The following TMEM30A variants were observed in gnomAD, a reference collection of about 807,000 sequenced individuals.
TMEM30A encodes the protein cell cycle control protein 50A.
A neutral mutation model predicts 38.2 loss-of-function variants in TMEM30A; 24 were observed. The ratio of observed to expected loss-of-function variants is 0.63; its 90% confidence interval spans 0.46 to 0.88. The LOEUF (loss-of-function observed/expected upper bound fraction) is 0.88. Ranked by LOEUF, TMEM30A falls within the 40% of genes least tolerant of loss-of-function variation. TMEM30A has a pLI of 0.00. For synonymous variants in TMEM30A, 145 were observed against 161.6 expected, an observed-to-expected ratio of 0.90 and a Z score of 0.78; for missense variants, 370 against 458.6, an observed-to-expected ratio of 0.81 and a Z score of 1.77.
chr6:75,256,660 A>C, intron 6 of TMEM30A: 1 of 394,526 alleles, frequency 2.5e-6, no homozygotes, highest in Non-Finnish European at 4.9e-6. Flanking sequence ...AGACTGACAG[A>C]CCAGGAGAAA....
intron 1 of TMEM30A, among the ~76,000 whole-genome samples, chr6:75,280,258 G>A (rs1405141362): frequency 6.6e-6 from 1 of 152,112 alleles, no homozygotes; most frequent in Non-Finnish European, 1.5e-5. Flanking sequence ...ACAGCTATTT[G>A]TGTAGCAAAT....
intron 1 of TMEM30A, among the ~76,000 whole-genome samples, chr6:75,268,576 G>A (rs1387927065): frequency 6.6e-6 from 1 of 152,178 alleles, no homozygotes; most frequent in African/African-American, 2.4e-5. Flanking sequence ...TAAGTATACA[G>A]GGAGAGGGCA....
At position 75,271,517 on chromosome 6, in the gene TMEM30A, G is replaced by A. The variant is rs75217423; in HGVS notation, c.238-3769C>T. 1.2e-4 allele frequency among the ~76,000 whole-genome samples: 19 copies of A among 152,108 alleles called. No individual in the cohort carries two copies. In the East Asian group the frequency reaches 3.7e-3, roughly 29 times the overall value. On this transcript the variant is annotated intron_variant, in intron 1 of 6. Coordinates refer to ENST00000230461, the MANE Select transcript of TMEM30A (RefSeq NM_018247.4). ...AAAATCATTATCATTAATATATTAA[G>A]CCTATGTGTAAGGCATGACATTAGA...
chr6:75,284,411 G>C lies in TMEM30A; in HGVS notation c.228C>G (p.Arg76=). The C allele has an allele frequency of 6.2e-7, 1 of 1,614,022 alleles. No individual in the cohort carries two copies. The highest frequency in any genetic ancestry group is 2.2e-5 in the East Asian group (1 of 44,866). Residue 76 remains arginine, a synonymous_variant, in exon 1 of 7, where the codon CGC becomes CGG. Transcript: ENST00000230461. ...IGIFVTSNNI[R]EIEIDYTGTE... is the part of the protein sequence containing the mutation. Reference sequence around the variant, plus strand: ...AGCTCCCTCCCCTCACCTCGATCTCGCGGATGTTGTTGGAGGTGACAAAAA... The same window carrying C: ...AGCTCCCTCCCCTCACCTCGATCTCCCGGATGTTGTTGGAGGTGACAAAAA...
rs898416106 is a variant in TMEM30A, at chr6:75,254,036, G to A, written c.*2066C>T. On this transcript the variant is annotated 3_prime_UTR_variant, in exon 7 of 7. Transcript: ENST00000230461. Reference sequence around the variant, plus strand: ...CCCCCATGCTTCACAGAGACTATACGAATGTTCCATACTCTTCATATTTAG... The same window carrying A: ...CCCCCATGCTTCACAGAGACTATACAAATGTTCCATACTCTTCATATTTAG... 1 of 152,028 alleles carries A rather than the reference G, an allele frequency of 6.6e-6. No homozygotes were observed. The highest frequency in any genetic ancestry group is 1.5e-5 in the Non-Finnish European group (1 of 67,988). The allele number at this position is 152,028 out of a possible 1,614,324, so 9.4% of individuals were successfully genotyped here. A position where few individuals can be genotyped will look rare whatever the true frequency, so the allele number is the denominator to read the frequency against.
chr6:75,284,258 A>G (rs539217436), intron 1 of TMEM30A, 144 bp downstream of exon 1: 1 of 766,920 alleles, frequency 1.3e-6, no homozygotes, highest in African/African-American at 1.7e-5. Context: ...GAAAGAAAAA[A>G]CAGAGAAACA....
chr6:75,272,216 CTCATCTTGG>C (rs1772184932), intron 1 of TMEM30A, among the ~76,000 whole-genome samples: 1 of 152,206 alleles, frequency 6.6e-6, no homozygotes, highest in South Asian at 2.1e-4. Context: ...CTCTTCAAAG[CTCATCTTGG>C]TTTAAAAATA....
intron 1 of TMEM30A, among the ~76,000 whole-genome samples, chr6:75,275,060 T>C (rs1772238892): frequency 6.6e-6 from 1 of 151,888 alleles, no homozygotes; most frequent in South Asian, 2.1e-4. Context: ...CTGTGAACCA[T>C]GAGCAACAAC....
Position 75,259,579 on chromosome 6 carries a change from T to C in TMEM30A, c.542-89A>G, listed in dbSNP as rs554056214. On this transcript the variant is annotated intron_variant, in intron 4 of 6. Transcript: ENST00000230461. ...TCTATGAGAAATAAGGACCTGATAT[T>C]TGTTTCCAAAAGTGGTTGTGACAGA... is the stretch of plus-strand genomic sequence containing the variant. The C allele has an allele frequency of 5.7e-6, 7 of 1,235,760 alleles. No homozygotes were observed. In the African/African-American group the frequency reaches 1.1e-4, roughly 19 times the overall value. The allele number at this position is 1,235,760 out of a possible 1,614,324, so 76.5% of individuals were successfully genotyped here.
In TMEM30A at chr6:75,258,894, A is replaced by G. The variant is rs1292830742; in HGVS notation, c.778T>C (p.Trp260Arg). The G allele has an allele frequency of 6.2e-7, 1 of 1,613,902 alleles. No individual in the cohort carries two copies. The highest frequency in any genetic ancestry group is 8.5e-7 in the Non-Finnish European group (1 of 1,179,948). Residue 260 changes from tryptophan (W) to arginine (R), a missense_variant, in exon 6 of 7, where the codon TGG becomes CGG. Transcript: ENST00000230461. ...NGFINEDFIV[W>R]MRTAALPTFR... ...GTAGGTAATGCTGCAGTACGCATCC[A>G]AACAATAAAATCCTCATTTATGAAT...
At chr6:75,263,167 G>A (rs563098660) in intron 3 of TMEM30A, among the ~76,000 whole-genome samples, 1 of 152,182 alleles carries the variant, frequency 6.6e-6, no homozygotes, top group Non-Finnish European at 1.5e-5. Context: ...CATGTAAAGA[G>A]AAGACAGAAG....
At chr6:75,262,088 C>T (rs1198864294) in intron 3 of TMEM30A, among the ~76,000 whole-genome samples, 2 of 152,046 alleles carry the variant, frequency 1.3e-5, no homozygotes. Flanking sequence ...GGCTCATGCC[C>T]CTAATTTCAG....
At chr6:75,264,810 T>C (rs1027530861) in intron 3 of TMEM30A, among the ~76,000 whole-genome samples, 7 of 151,582 alleles carry the variant, frequency 4.6e-5, no homozygotes, top group African/African-American at 1.7e-4. Context: ...CTAAAAATCC[T>C]CATGATACAG....
chr6:75,273,097 ACT>A (rs928561488), intron 1 of TMEM30A, among the ~76,000 whole-genome samples: 15 of 152,012 alleles, frequency 9.9e-5, no homozygotes, highest in African/African-American at 3.4e-4. Flanking sequence ...TCCAAACCTG[ACT>A]CTCTGTACGT....
Position 75,284,537 on chromosome 6 carries a change from T to C in TMEM30A, c.102A>G (p.Lys34=), listed in dbSNP as rs773578607. ...GCTGCCAAGCTGGCAGCCGTTGCTG[T>C]TTGAAGGCCGTGTTATCCGGTCTCC... The part of the protein sequence containing the change: ...KTRRPDNTAF[K]QQRLPAWQPI... The change falls in exon 1 of 7, where the codon AAA becomes AAG. Residue 34 remains lysine, a synonymous_variant. Coordinates refer to ENST00000230461, the MANE Select transcript of TMEM30A (RefSeq NM_018247.4). 1 of 1,612,394 alleles carries C rather than the reference T, an allele frequency of 6.2e-7. No homozygotes were observed. Among genetic ancestry groups the C allele is most frequent in the Non-Finnish European group, 8.5e-7 (1 of 1,178,990 alleles).
rs192733550 is a variant in TMEM30A, at chr6:75,263,900, T to C, written c.453+1331A>G. On this transcript the variant is annotated intron_variant, in intron 3 of 6. Transcript: ENST00000230461. ...TTACCCTCAGTGAACACAGCACATA[T>C]ATAAATAAAATAATTGTAAATCAGC... Among the ~76,000 whole-genome samples, 5 of 152,280 alleles carry C rather than the reference T, an allele frequency of 3.3e-5. No homozygotes were observed. The East Asian group carries it at 9.6e-4, about 29-fold the overall frequency.
intron 1 of TMEM30A, among the ~76,000 whole-genome samples, chr6:75,274,119 G>GA (rs1035406049): frequency 6.6e-6 from 1 of 152,166 alleles, no homozygotes; most frequent in African/African-American, 2.4e-5. Flanking sequence ...ATACCAGGTG[G>GA]AAAAAGGAGA....
intron 1 of TMEM30A, among the ~76,000 whole-genome samples, chr6:75,277,285 T>C (rs1048122783): frequency 7.8e-6 from 1 of 128,644 alleles, no homozygotes; most frequent in Non-Finnish European, 1.6e-5. Context: ...AGACTTAATC[T>C]CAGATTCAAT....
intron 1 of TMEM30A, among the ~76,000 whole-genome samples, chr6:75,280,714 C>T (rs1416212144): frequency 6.6e-6 from 1 of 152,062 alleles, no homozygotes; most frequent in Non-Finnish European, 1.5e-5. Flanking sequence ...CACCACAAAC[C>T]TTAATTTCCA....
Sources: allele counts gnomAD v4.1 joint callset (sites outside exome capture counted in the v4.1 genomes callset), GRCh38; gene constraint gnomAD v4.1.1; transcripts MANE v1.5; gene names NCBI Gene and HGNC (gene_info 2026-07-23, HGNC 2026-07-21).